Variants in MYLK observed in about 807,000 individuals in gnomAD.
The protein encoded by MYLK is myosin light chain kinase.
MYLK carries 106 observed loss-of-function variants against 203.4 expected under a neutral mutation model. The observed-to-expected ratio is 0.52, with a 90% CI of 0.45 to 0.61. The LOEUF is 0.61. Among genes scored for constraint, MYLK ranks in the 20% least tolerant of loss-of-function variants. The probability of loss-of-function intolerance (pLI) is 0.00; values close to 1 mark genes in which losing one functional copy is unlikely to be tolerated. For synonymous variants in MYLK, 867 were observed against 959.5 expected, an observed-to-expected ratio of 0.90 and a Z score of 1.78; for missense variants, 2,072 against 2,442.3, an observed-to-expected ratio of 0.85 and a Z score of 3.20.
intron 11 of MYLK, among the ~76,000 whole-genome samples, chr3:123,728,969 G>A (rs1484702362): frequency 7.2e-5 from 11 of 152,062 alleles, no homozygotes; most frequent in Admixed American, 5.2e-4. Flanking sequence ...AATATCATTC[G>A]GAGCTAACAA....
chr3:123,744,177 T>C lies in MYLK; in HGVS notation c.374-4176A>G, dbSNP rs149102968. On this transcript the variant is annotated intron_variant, in intron 5 of 33. Transcript: ENST00000360304. ...CAAAAAGAAAATAAATGTAAAGCCTTAACTAAAGCATTACGGTGATATAGA... is the reference window on the plus strand; with the variant it reads ...CAAAAAGAAAATAAATGTAAAGCCTCAACTAAAGCATTACGGTGATATAGA... Among the ~76,000 whole-genome samples the C allele has an allele frequency of 2.6e-5, 4 of 152,320 alleles. No individual in the cohort carries two copies. In the East Asian group the frequency reaches 7.7e-4, roughly 29 times the overall value.
intron 8 of MYLK, among the ~76,000 whole-genome samples, chr3:123,736,028 A>C (rs1006696513): frequency 6.6e-6 from 1 of 152,196 alleles, no homozygotes; most frequent in African/African-American, 2.4e-5. Flanking sequence ...CATGAAGTCC[A>C]TCAGGAGGGA....
In MYLK at chr3:123,620,228, C is replaced by G. The variant is rs749707023; in HGVS notation, c.5347G>C (p.Ala1783Pro). 2 of 1,614,094 alleles carry G rather than the reference C, an allele frequency of 1.2e-6. No individual in the cohort carries two copies. Among genetic ancestry groups the G allele is most frequent in the Non-Finnish European group, 1.7e-6 (2 of 1,179,996 alleles). Residue 1783 changes from alanine to proline, a missense_variant, in exon 32 of 34, where the codon GCA becomes CCA. Transcript: ENST00000360304. ...TTACCTTCAGATTCTAGTTTTTCTG[C>G]ATTGAGCGGGCTGGTTGGTGACCCT... is the stretch of plus-strand genomic sequence containing the variant. ...STGSPTSPLNAEKLESEEDVS... is the reference protein window; with the variant it reads ...STGSPTSPLNPEKLESEEDVS...
At chr3:123,711,827 T>C (rs1264011251) in intron 13 of MYLK, among the ~76,000 whole-genome samples, 2 of 152,204 alleles carry the variant, frequency 1.3e-5, no homozygotes, top group African/African-American at 4.8e-5. Context: ...TAGACCTTCT[T>C]CAGGAAGTGG....
In MYLK at chr3:123,640,727, G is replaced by A. The variant is rs890135054; in HGVS notation, c.4620-223C>T. On this transcript the variant is annotated intron_variant, in intron 27 of 33. Transcript: ENST00000360304. The surrounding 1 kb of genome is among the most constrained non-coding windows in gnomAD (Gnocchi z 4.3). ...CTGCCCTGCACCTTCTAAGCTGCTG[G>A]GGACTCAGGGAAGCATCTACACTAG... is the stretch of plus-strand genomic sequence containing the variant. Among the ~76,000 whole-genome samples, 7 of 151,924 alleles carry A rather than the reference G, an allele frequency of 4.6e-5. No individual in the cohort carries two copies. The highest frequency in any genetic ancestry group is 1.7e-4 in the African/African-American group (7 of 41,342).
rs574639002 is a variant in MYLK at position 123,764,293 on chromosome 3, TGTAA to T, written c.166-11759_166-11756del. ...TGATCCTTTACTGATTTTTCCTGTA[TGTAA>T]GTGAGGAAATACAAAGTTCCAGGTG... On this transcript the variant is annotated intron_variant, in intron 4 of 33. Coordinates refer to ENST00000360304, the MANE Select transcript of MYLK (RefSeq NM_053025.4). Among the ~76,000 whole-genome samples, 8 of 152,196 alleles carry T rather than the reference TGTAA, an allele frequency of 5.3e-5. No individual in the cohort carries two copies. The East Asian group carries it at 1.5e-3, about 29-fold the overall frequency.
intron 16 of MYLK, among the ~76,000 whole-genome samples, chr3:123,706,238 T>C (rs1311351320): frequency 6.6e-6 from 1 of 152,176 alleles, no homozygotes; most frequent in African/African-American, 2.4e-5. Flanking sequence ...CTATTTTTAA[T>C]AGTTATTAAG....
intron 2 of MYLK, among the ~76,000 whole-genome samples, chr3:123,847,306 T>C (rs931106858): frequency 6.6e-6 from 1 of 152,106 alleles, no homozygotes. Flanking sequence ...CTCCCATGGA[T>C]AGTGAGGGAT....
intron 19 of MYLK, chr3:123,691,102 G>A (rs1283200979): frequency 1.3e-5 from 2 of 152,176 alleles, no homozygotes; most frequent in South Asian, 2.1e-4. Context: ...ATGTAAACAG[G>A]ACCTAAAGAG....
chr3:123,790,533 G>T (rs1472827203), intron 4 of MYLK, among the ~76,000 whole-genome samples: 1 of 152,156 alleles, frequency 6.6e-6, no homozygotes, highest in South Asian at 2.1e-4. Context: ...CCCAGGGGGT[G>T]CCTGTTATCC....
chr3:123,657,654 G>A lies in MYLK; in HGVS notation c.3986-226C>T, dbSNP rs554774846. On this transcript the variant is annotated intron_variant, in intron 23 of 33. Transcript: ENST00000360304. ...TATTTGCTCCAAAAAAGGCCCCCTC[G>A]CTTTTTTTTGCTAGTTTTCCAGTCT... 8.5e-5 allele frequency among the ~76,000 whole-genome samples: 13 copies of A among 152,184 alleles called. No individual in the cohort carries two copies. The South Asian group carries it at 1.9e-3, about 22-fold the overall frequency.
intron 30 of MYLK, among the ~76,000 whole-genome samples, chr3:123,628,068 T>C (rs1301553088): frequency 1.3e-5 from 2 of 152,178 alleles, no homozygotes; most frequent in Non-Finnish European, 2.9e-5. Flanking sequence ...GTCCCTCATA[T>C]TGGAAGAGAA....
chr3:123,673,904 G>A (rs1576506285), intron 20 of MYLK, among the ~76,000 whole-genome samples: 2 of 152,308 alleles, frequency 1.3e-5, no homozygotes, highest in African/African-American at 2.4e-5. Flanking sequence ...CCTCTGAAGA[G>A]GGGCTCAGCC....
intron 4 of MYLK, among the ~76,000 whole-genome samples, chr3:123,777,300 A>T (rs2064114542): frequency 6.6e-6 from 1 of 152,258 alleles, no homozygotes; most frequent in South Asian, 2.1e-4. Context: ...AAGCAGAACA[A>T]ATTCAAACTC....
chr3:123,838,075 G>C (rs1218121271), intron 2 of MYLK, among the ~76,000 whole-genome samples: 3 of 152,034 alleles, frequency 2.0e-5, no homozygotes, highest in African/African-American at 4.8e-5. Flanking sequence ...AAATCTCAGA[G>C]TACTTCAAGC....
At chr3:123,666,137 C>A (rs368200877) in intron 22 of MYLK, 82 bp downstream of exon 22, 4 of 1,606,504 alleles carry the variant, frequency 2.5e-6, no homozygotes, top group Admixed American at 1.7e-5. Context: ...ATCTCCAGCA[C>A]GGCATTTCTC....
At chr3:123,667,953 AT>A (rs1423662855) in intron 20 of MYLK, among the ~76,000 whole-genome samples, 1 of 152,246 alleles carries the variant, frequency 6.6e-6, no homozygotes, top group South Asian at 2.1e-4. Context: ...GGTGGCTTTC[AT>A]TTTTTTAAAG....
chr3:123,849,998 GT>G, intron 2 of MYLK, among the ~76,000 whole-genome samples: 1 of 152,198 alleles, frequency 6.6e-6, no homozygotes. Flanking sequence ...GCGGTGTTTG[GT>G]TTTTTGTCCT....
chr3:123,637,003 G>A (rs2058665670), intron 29 of MYLK, among the ~76,000 whole-genome samples: 1 of 152,224 alleles, frequency 6.6e-6, no homozygotes, highest in Non-Finnish European at 1.5e-5. Context: ...ACCTGGCTAT[G>A]CATCAGAATC....
Sources: allele counts gnomAD v4.1 joint callset (sites outside exome capture counted in the v4.1 genomes callset), GRCh38; gene constraint gnomAD v4.1.1; non-coding constraint Gnocchi (gnomAD v3.1); transcripts MANE v1.5; gene names NCBI Gene and HGNC (gene_info 2026-07-23, HGNC 2026-07-21).